MMS22L: variants seen among roughly 807,000 people sequenced by gnomAD.
The protein encoded by MMS22L is MMS22 like, DNA repair protein.
Under a neutral mutation model 159.1 loss-of-function variants are expected in MMS22L, and 74 were observed. That is an observed-to-expected ratio of 0.47 (90% confidence interval 0.39 to 0.56). The LOEUF (loss-of-function observed/expected upper bound fraction) is 0.56, where lower values mean the gene tolerates loss of function less well. Among genes scored for constraint, MMS22L ranks in the 20% least tolerant of loss-of-function variants. The probability of loss-of-function intolerance (pLI) is 0.00; values close to 1 mark genes in which losing one functional copy is unlikely to be tolerated. For missense variants in MMS22L, 1,351 were observed against 1,422.1 expected, an observed-to-expected ratio of 0.95 and a Z score of 0.80; for synonymous variants, 517 against 506.9, an observed-to-expected ratio of 1.02 and a Z score of -0.27.
rs747453102 is a variant in MMS22L, at chr6:97,186,602, G to C, written c.2128C>G (p.Leu710Val). ...CACAGTGCACTGGCAACTGCAGCAAGGTGGCGCTCTTTAGCCGATAATGAA... is the reference window on the plus strand; with the variant it reads ...CACAGTGCACTGGCAACTGCAGCAACGTGGCGCTCTTTAGCCGATAATGAA... ...QSSLSAKERHLAAVASALWRH... is the reference protein window; with the variant it reads ...QSSLSAKERHVAAVASALWRH... Residue 710 changes from leucine (L) to valine (V), a missense_variant, in exon 15 of 25, where the codon CTT becomes GTT. Physicochemically the swap from Leu to Val is conservative, Grantham distance 32 (BLOSUM62 1). Coordinates refer to ENST00000683635, the MANE Select transcript of MMS22L (RefSeq NM_001350599.2). The C allele has an allele frequency of 3.7e-6, 6 of 1,611,894 alleles. No individual in the cohort carries two copies. In the South Asian group the frequency reaches 6.6e-5, roughly 18 times the overall value.
intron 22 of MMS22L, among the ~76,000 whole-genome samples, chr6:97,158,454 A>G (rs771211688): frequency 1.3e-5 from 2 of 152,208 alleles, no homozygotes; most frequent in Non-Finnish European, 2.9e-5. Context: ...ATTTAGTGCT[A>G]TAAATTTCCC....
intron 14 of MMS22L, among the ~76,000 whole-genome samples, chr6:97,224,089 A>G (rs1042332035): frequency 6.6e-6 from 1 of 152,184 alleles, no homozygotes; most frequent in African/African-American, 2.4e-5. Flanking sequence ...TATCAACATA[A>G]ACATCTGATC....
intron 4 of MMS22L, among the ~76,000 whole-genome samples, chr6:97,277,118 A>G (rs1816311375): frequency 6.6e-6 from 1 of 152,208 alleles, no homozygotes; most frequent in African/African-American, 2.4e-5. Context: ...CAATTTTCAT[A>G]AAACATAAAA....
intron 14 of MMS22L, among the ~76,000 whole-genome samples, chr6:97,213,799 C>A (rs1478707004): frequency 5.9e-5 from 9 of 151,958 alleles, no homozygotes. Context: ...AGTGGGGTAC[C>A]TATACTAACA....
chr6:97,170,018 T>TTAAA (rs1453853334), intron 19 of MMS22L, among the ~76,000 whole-genome samples: 12 of 152,234 alleles, frequency 7.9e-5, no homozygotes, highest in African/African-American at 2.9e-4. Context: ...TCACATAACT[T>TTAAA]TTATTAGAGT....
intron 23 of MMS22L, 38 bp downstream of exon 23, chr6:97,151,733 C>A: frequency 6.5e-7 from 1 of 1,527,190 alleles, no homozygotes; most frequent in Middle Eastern, 1.7e-4. Flanking sequence ...AAATGGCTGG[C>A]AATAGTTTCC....
At chr6:97,198,940 T>C (rs1806838661) in intron 14 of MMS22L, among the ~76,000 whole-genome samples, 1 of 152,168 alleles carries the variant, frequency 6.6e-6, no homozygotes, top group Non-Finnish European at 1.5e-5. Context: ...AAAAGTTTCA[T>C]TTTAGTTTTC....
At chr6:97,217,749 G>C (rs1809177818) in intron 14 of MMS22L, among the ~76,000 whole-genome samples, 2 of 152,152 alleles carry the variant, frequency 1.3e-5, no homozygotes, top group South Asian at 4.1e-4. Context: ...TTTGTAGCTA[G>C]TATTTTGAAT....
rs181825904 is a variant in MMS22L, at chr6:97,147,773, C to T, written c.3651-886G>A. On this transcript the variant is annotated intron_variant, in intron 24 of 24. Transcript: ENST00000683635. ...TGCAGAAGAAAGGAGATGTTCCATT[C>T]TGGCATACAAAAGCTTTACAAGGAT... Among the ~76,000 whole-genome samples the T allele has an allele frequency of 1.4e-3, 211 of 152,286 alleles. 1 individual carries two copies. Among genetic ancestry groups the T allele is most frequent in the African/African-American group, 4.8e-3 (199 of 41,572 alleles).
At chr6:97,185,915 G>GATAT (rs1805177515) in intron 15 of MMS22L, among the ~76,000 whole-genome samples, 1 of 151,998 alleles carries the variant, frequency 6.6e-6, no homozygotes, top group African/African-American at 2.4e-5. Flanking sequence ...TCTTAGAAAT[G>GATAT]ATATATATGC....
intron 13 of MMS22L, 122 bp downstream of exon 13, chr6:97,231,304 G>A (rs372854311): frequency 2.9e-6 from 2 of 688,836 alleles, no homozygotes; most frequent in Non-Finnish European, 4.9e-6. Context: ...GCATATAATG[G>A]ATTACCTAGT....
chr6:97,243,080 C>A (rs1812254052), intron 11 of MMS22L, among the ~76,000 whole-genome samples: 1 of 152,018 alleles, frequency 6.6e-6, no homozygotes, highest in South Asian at 2.1e-4. Context: ...TGTGATGTTT[C>A]CCAGGTGTTC....
At position 97,272,834 on chromosome 6, in the gene MMS22L, T is replaced by A; in HGVS notation, c.476A>T (p.Tyr159Phe). ...NAESHVPVHP[Y>F]EALEAQLPSV... ...GGGAAGCTGAGCCTCCAAAGCCTCA[T>A]AAGGATGGACAGGAACATGACTCTC... Residue 159 changes from tyrosine (Y) to phenylalanine (F), a missense_variant, in exon 6 of 25, where the codon TAT becomes TTT. Physicochemically the swap from Tyr to Phe is conservative, Grantham distance 22. Transcript: ENST00000683635. 1 of 1,614,014 alleles carries A rather than the reference T, an allele frequency of 6.2e-7. No homozygotes were observed. The highest frequency in any genetic ancestry group is 2.2e-5 in the East Asian group (1 of 44,860).
At chr6:97,279,027 T>A (rs1198329125) in intron 3 of MMS22L, 129 bp from the exon 4 acceptor site, 3 of 645,978 alleles carry the variant, frequency 4.6e-6, no homozygotes, top group Non-Finnish European at 7.7e-6. Flanking sequence ...ATTAATACCT[T>A]GTGAATGTTA....
intron 17 of MMS22L, 29 bp from the exon 18 acceptor site, chr6:97,178,614 T>G: frequency 3.2e-6 from 4 of 1,233,710 alleles, no homozygotes; most frequent in Non-Finnish European, 4.5e-6. Context: ...ATTTGTTATA[T>G]CAATTTATAT....
chr6:97,172,965 G>T, intron 19 of MMS22L, 98 bp downstream of exon 19: 1 of 1,120,576 alleles, frequency 8.9e-7, no homozygotes, highest in Non-Finnish European at 1.3e-6. Context: ...ATGATTGTAT[G>T]GAGGGTAGTG....
At chr6:97,221,229 G>C (rs558016678) in intron 14 of MMS22L, among the ~76,000 whole-genome samples, 1 of 152,020 alleles carries the variant, frequency 6.6e-6, no homozygotes, top group South Asian at 2.1e-4. Context: ...CAAGATTTTG[G>C]CACATAAGTT....
At chr6:97,236,116 T>A (rs1339093324) in intron 11 of MMS22L, among the ~76,000 whole-genome samples, 2 of 151,528 alleles carry the variant, frequency 1.3e-5, no homozygotes, top group African/African-American at 4.9e-5. Flanking sequence ...TCACCTGAGG[T>A]CAGGAGTTTA....
At chr6:97,184,945 ATC>A (rs1199813037) in intron 15 of MMS22L, among the ~76,000 whole-genome samples, 1 of 152,052 alleles carries the variant, frequency 6.6e-6, no homozygotes, top group East Asian at 1.9e-4. Context: ...CTCTTGATCC[ATC>A]TCTTAGTTCT....
Sources: allele counts gnomAD v4.1 joint callset (sites outside exome capture counted in the v4.1 genomes callset), GRCh38; gene constraint gnomAD v4.1.1; transcripts MANE v1.5; gene names NCBI Gene and HGNC (gene_info 2026-07-23, HGNC 2026-07-21).